ZNF584: variants seen among roughly 807,000 people sequenced by gnomAD.
ZNF584 encodes zinc finger protein 584.
In ZNF584, 12 loss-of-function variants were observed where a neutral mutation model predicts 14.7. The observed-to-expected ratio is 0.82, with a 90% CI of 0.52 to 1.32. ZNF584 has a LOEUF of 1.32. Among genes scored for constraint, ZNF584 ranks in the 40% most tolerant of loss-of-function variants. The pLI is 0.00. For synonymous variants in ZNF584, 204 were observed against 190.9 expected (o/e 1.07, Z -0.57); for missense variants, 478 against 518.8 (o/e 0.92, Z 0.76).
At position 58,410,757 on chromosome 19, in the gene ZNF584, A is replaced by G. The variant is rs1279621063; in HGVS notation, c.169+666A>G. Among the ~76,000 whole-genome samples, 3 of 40,408 alleles carry G rather than the reference A, an allele frequency of 7.4e-5. 1 individual carries two copies. Among genetic ancestry groups the G allele is most frequent in the African/African-American group, 1.6e-4 (1 of 6,336 alleles). 26.5% of individuals were successfully genotyped at this position (40,408 alleles called of 152,430 possible). A position where few individuals can be genotyped will look rare whatever the true frequency, so the allele number is the denominator to read the frequency against. ...TATATATATGTGTGTATATATATAT[A>G]TATATGTATATATATATATAATTTT... On this transcript the variant is annotated intron_variant, in intron 2 of 3. Coordinates refer to ENST00000306910, the MANE Select transcript of ZNF584 (RefSeq NM_173548.3).
upstream of ZNF584, among the ~76,000 whole-genome samples, chr19:58,403,958 CAAAAAAAAA>C (rs35295910): frequency 1.2e-5 from 1 of 80,092 alleles, no homozygotes; most frequent in East Asian, 4.7e-4. Flanking sequence ...AACTCCGTCT[CAAAAAAAAA>C]AAAAAAAAAG....
chr19:58,409,076 G>C lies in ZNF584; in HGVS notation c.-72G>C. 6.9e-7 allele frequency: 1 copy of C among 1,456,096 alleles called. No individual in the cohort carries two copies. The highest frequency in any genetic ancestry group is 1.3e-5 in the South Asian group (1 of 74,700). The allele number at this position is 1,456,096 out of a possible 1,614,324, so 90.2% of individuals were successfully genotyped here. A position where few individuals can be genotyped will look rare whatever the true frequency, so the allele number is the denominator to read the frequency against. The stretch of plus-strand genomic sequence containing the variant: ...CCCGGGAAGGTTCCACGGCGGCCGA[G>C]GGTTTCCGCGCCCGGGACGCGTTTC... On this transcript the variant is annotated 5_prime_UTR_variant, in exon 1 of 4. Transcript: ENST00000306910.
upstream of ZNF584, among the ~76,000 whole-genome samples, chr19:58,403,958 CA>C (rs35295910): frequency 6.5e-3 from 521 of 80,070 alleles, 2 homozygotes; most frequent in African/African-American, 0.014. Flanking sequence ...AACTCCGTCT[CA>C]AAAAAAAAAA....
At chr19:58,415,426 G>T in intron 2 of ZNF584, 98 bp from the exon 3 acceptor site, 2 of 1,456,046 alleles carry the variant, frequency 1.4e-6, no homozygotes. Context: ...GCGAACGTCT[G>T]GGTTTAAGTG....
In ZNF584 at chr19:58,410,542, T is replaced by TTTTTTTTTTTTTTTTTTTTTTTTTTG. The variant is rs1568584343; in HGVS notation, c.169+451_169+452insTTTTTTTTTTTTTTTTTTTTTTTTTG. On this transcript the variant is annotated intron_variant, in intron 2 of 3. Transcript: ENST00000306910. ...AAATATATATATATATATATATATA[T>TTTTTTTTTTTTTTTTTTTTTTTTTTG]ATATATATATATATATGTGTATATA... Among the ~76,000 whole-genome samples the TTTTTTTTTTTTTTTTTTTTTTTTTTG allele has an allele frequency of 3.9e-4, 6 of 15,382 alleles. 1 individual carries two copies. The highest frequency in any genetic ancestry group is 8.3e-4 in the Non-Finnish European group (6 of 7,226). The allele number at this position is 15,382 out of a possible 152,430, so 10.1% of individuals were successfully genotyped here.
chr19:58,402,047 C>A (rs2052435063), intron 1 of ZNF584, among the ~76,000 whole-genome samples: 1 of 151,428 alleles, frequency 6.6e-6, no homozygotes, highest in African/African-American at 2.4e-5. Flanking sequence ...CCAGCCCGGG[C>A]GACAGAGCGA....
chr19:58,410,131 C>T, intron 2 of ZNF584, 40 bp downstream of exon 2: 1 of 1,556,466 alleles, frequency 6.4e-7, no homozygotes. Flanking sequence ...CTGACTACCC[C>T]CTCATTTTCC....
intron 1 of ZNF584, among the ~76,000 whole-genome samples, chr19:58,402,215 C>T (rs2052436088): frequency 6.6e-6 from 1 of 152,170 alleles, no homozygotes; most frequent in African/African-American, 2.4e-5. Flanking sequence ...CTAGAGTTCG[C>T]ACTGGCTCCC....
At chr19:58,413,427 T>C (rs1352014844) in intron 2 of ZNF584, among the ~76,000 whole-genome samples, 1 of 151,912 alleles carries the variant, frequency 6.6e-6, no homozygotes, top group African/African-American at 2.4e-5. Context: ...CTCAATGCAA[T>C]CTCCACCTCC....
intron 2 of ZNF584, among the ~76,000 whole-genome samples, chr19:58,411,334 G>A (rs951029607): frequency 2.0e-5 from 3 of 151,618 alleles, no homozygotes; most frequent in Non-Finnish European, 2.9e-5. Context: ...CAAGACCAGC[G>A]TGGTCAACAT....
At chr19:58,406,368 G>GGGGGGGA (rs1347806680), upstream of ZNF584, 1 of 106,756 alleles carries the variant, frequency 9.4e-6, no homozygotes, top group Non-Finnish European at 2.1e-5. Context: ...GGGGGAGGGG[G>GGGGGGGA]AGGAGGGAAG....
At chr19:58,408,435 C>A (rs2052494529), upstream of ZNF584, 2 of 152,330 alleles carry the variant, frequency 1.3e-5, no homozygotes, top group Admixed American at 1.3e-4. Context: ...GAGACTCCTC[C>A]ACACCGCCCA....
upstream of ZNF584, among the ~76,000 whole-genome samples, chr19:58,403,692 C>T (rs892874758): frequency 1.3e-5 from 2 of 151,916 alleles, no homozygotes; most frequent in Non-Finnish European, 2.9e-5. Context: ...ACAAATGGGC[C>T]GGGTGCGGTA....
intron 2 of ZNF584, among the ~76,000 whole-genome samples, chr19:58,410,546 T>TTTTTTTTTTTTTTTTTTTGAGACAG (rs1568584382): frequency 3.2e-5 from 2 of 62,512 alleles, no homozygotes; most frequent in African/African-American, 2.5e-4. Context: ...TATATATATA[T>TTTTTTTTTTTTTTTTTTTGAGACAG]ATATATATAT....
upstream of ZNF584, chr19:58,404,623 A>C: frequency 9.1e-6 from 2 of 220,478 alleles, no homozygotes; most frequent in Non-Finnish European, 1.8e-5. Flanking sequence ...AAAGTCTCCC[A>C]CGTCTACCTC....
chr19:58,409,778 T>TAAGG (rs2052518804), intron 1 of ZNF584, among the ~76,000 whole-genome samples, 163 bp from the exon 2 acceptor site: 1 of 151,990 alleles, frequency 6.6e-6, no homozygotes, highest in African/African-American at 2.4e-5. Flanking sequence ...AAGGAAGGTA[T>TAAGG]AAGGGTATGT....
rs1432001374 is a variant in ZNF584, at chr19:58,417,641, T to C, written c.1123T>C (p.Phe375Leu). ...ATCCTACCGCAATCGGCACCAGCAGTTCCACACTGAAGAGAGGTCTTATGA... is the reference window on the plus strand; with the variant it reads ...ATCCTACCGCAATCGGCACCAGCAGCTCCACACTGAAGAGAGGTCTTATGA... ...TRSYRNRHQQFHTEERSYECT... is the reference protein window; with the variant it reads ...TRSYRNRHQQLHTEERSYECT... Residue 375 changes from phenylalanine (F) to leucine (L), a missense_variant, in exon 4 of 4, where the codon TTC becomes CTC. Phe to Leu is a conservative substitution (Grantham distance 22). Transcript: ENST00000306910. The C allele has an allele frequency of 6.2e-7, 1 of 1,613,992 alleles. No individual in the cohort carries two copies. Among genetic ancestry groups the C allele is most frequent in the East Asian group, 2.2e-5 (1 of 44,846 alleles).
exon 1 of ZNF584, chr19:58,401,588 G>T (rs1484928828): frequency 6.6e-6 from 1 of 152,216 alleles, no homozygotes; most frequent in Admixed American, 6.5e-5. Flanking sequence ...TGGCGCTGGC[G>T]AGAGGAAAGG....
At chr19:58,407,958 T>C (rs778520496), upstream of ZNF584, among the ~76,000 whole-genome samples, 8 of 152,008 alleles carry the variant, frequency 5.3e-5, no homozygotes, top group Non-Finnish European at 1.0e-4. Flanking sequence ...GCCTCAGCCA[T>C]GTGCAGGGCG....
Sources: gnomAD v4.1 joint callset for allele counts (sites outside exome capture counted in the v4.1 genomes callset) on GRCh38, gnomAD v4.1.1 for gene constraint, MANE v1.5 for transcripts, NCBI Gene and HGNC (gene_info 2026-07-23, HGNC 2026-07-21) for gene names.